Variants in AAK1 observed in about 807,000 individuals in gnomAD.
The protein encoded by AAK1 is AP2-associated protein kinase 1.
AAK1 carries 37 observed loss-of-function variants against 116.0 expected under a neutral mutation model. The observed-to-expected ratio is 0.32, with a 90% CI of 0.25 to 0.42. The LOEUF is 0.42. AAK1 is among the 10% of genes least tolerant of loss of function. The pLI, the probability that AAK1 is intolerant of heterozygous loss-of-function variation, is 1.00. For missense variants in AAK1, 919 were observed against 1,170.6 expected, an observed-to-expected ratio of 0.79 and a Z score of 3.14; for synonymous variants, 458 against 439.9, an observed-to-expected ratio of 1.04 and a Z score of -0.51.
intron 16 of AAK1, 24 bp downstream of exon 16, chr2:69,505,545 G>A (rs754840473): frequency 1.9e-5 from 31 of 1,597,846 alleles, no homozygotes; most frequent in East Asian, 8.9e-5. Context: ...TGAACCTCCC[G>A]TTCCAGGTAT....
At chr2:69,546,240 A>G (rs1670919488) in intron 3 of AAK1, among the ~76,000 whole-genome samples, 2 of 152,210 alleles carry the variant, frequency 1.3e-5, no homozygotes, top group Admixed American at 6.5e-5. Context: ...TCCTAAATGT[A>G]TAGGAATGAC....
At position 69,507,568 on chromosome 2, in the gene AAK1, T is replaced by C; in HGVS notation, c.2017A>G (p.Thr673Ala). The C allele has an allele frequency of 6.2e-7, 1 of 1,610,162 alleles. No individual in the cohort carries two copies. Among genetic ancestry groups the C allele is most frequent in the Non-Finnish European group, 8.5e-7 (1 of 1,178,022 alleles). Residue 673 changes from threonine (T) to alanine (A), a missense_variant, in exon 15 of 22, where the codon ACC (threonine) becomes GCC (alanine). Thr to Ala is a moderately conservative substitution (Grantham distance 58). Around this residue, in one of 4 missense-constraint regions of AAK1, gnomAD observed 125 missense variants for 184.1 expected, o/e 0.68. Transcript: ENST00000409085. ...GTCCGAGGAGAGCCTGATGGAGTGG[T>C]GGTTGCAGACCTAGGTAGGTTCCCA... ...ASLNKSKSAT[T>A]TPSGSPRTSQ...
intron 14 of AAK1, 37 bp from the exon 15 acceptor site, chr2:69,507,615 T>C (rs774031296): frequency 9.2e-6 from 14 of 1,518,252 alleles, no homozygotes; most frequent in East Asian, 7.1e-5. Flanking sequence ...CAAAAAGATA[T>C]AAAAGTTGAA....
chr2:69,501,287 T>A (rs542473466), intron 16 of AAK1, among the ~76,000 whole-genome samples: 22 of 152,202 alleles, frequency 1.4e-4, no homozygotes, highest in East Asian at 7.7e-4. Flanking sequence ...GAAACAAAAA[T>A]TTTTAACTAC....
chr2:69,571,839 G>T (rs528506277), intron 2 of AAK1, among the ~76,000 whole-genome samples: 2 of 152,142 alleles, frequency 1.3e-5, no homozygotes, highest in East Asian at 3.9e-4. Flanking sequence ...TTGAGCTGAC[G>T]GATCAGTGTT....
chr2:69,586,877 G>A lies in AAK1; in HGVS notation c.164-29899C>T, dbSNP rs942484897. Among the ~76,000 whole-genome samples the A allele has an allele frequency of 4.6e-5, 7 of 152,168 alleles. No individual in the cohort carries two copies. In the East Asian group the frequency reaches 7.7e-4, roughly 17 times the overall value. ...ATCCTTAGGGTGGTGGGTTTGGGTC[G>A]GGCGGAGGGTAAAATCTGCACAGGT... is the stretch of plus-strand genomic sequence containing the variant. On this transcript the variant is annotated intron_variant, in intron 2 of 21. Coordinates refer to ENST00000409085, the MANE Select transcript of AAK1 (RefSeq NM_014911.5).
At chr2:69,502,837 T>C (rs1425508614) in intron 16 of AAK1, among the ~76,000 whole-genome samples, 2 of 152,196 alleles carry the variant, frequency 1.3e-5, no homozygotes, top group South Asian at 2.1e-4. Flanking sequence ...TTAGAAGTTA[T>C]CTTAGAGAAA....
chr2:69,558,891 A>G (rs1439829160), intron 2 of AAK1, among the ~76,000 whole-genome samples: 3 of 152,200 alleles, frequency 2.0e-5, no homozygotes, highest in African/African-American at 7.2e-5. Context: ...GTTGATGCCC[A>G]TGGCATTTCC....
Position 69,475,781 on chromosome 2 carries a change from TA to T in AAK1, c.*87del, listed in dbSNP as rs1300918797. 1.2e-5 allele frequency: 18 copies of T among 1,502,514 alleles called. No individual in the cohort carries two copies. Among genetic ancestry groups the T allele is most frequent in the Admixed American group, 2.1e-5 (1 of 47,868 alleles). 93.1% of individuals were successfully genotyped at this position (1,502,514 alleles called of 1,614,324 possible). On this transcript the variant is annotated 3_prime_UTR_variant, in exon 22 of 22. Coordinates refer to ENST00000409085, the MANE Select transcript of AAK1 (RefSeq NM_014911.5). Reference sequence around the variant, plus strand: ...AGGGCCCCTTATTTGCAGATTTTTTTAAAAAAATCATTTTTTTCATAACTCC... The same window carrying T: ...AGGGCCCCTTATTTGCAGATTTTTTTAAAAAATCATTTTTTTCATAACTCC...
intron 12 of AAK1, among the ~76,000 whole-genome samples, chr2:69,518,223 A>C (rs749005133): frequency 1.3e-5 from 2 of 152,210 alleles, no homozygotes; most frequent in African/African-American, 2.4e-5. Flanking sequence ...TAGACCAACT[A>C]AATACAATCT....
intron 14 of AAK1, among the ~76,000 whole-genome samples, chr2:69,508,282 C>A (rs191454461): frequency 6.6e-6 from 1 of 152,112 alleles, no homozygotes; most frequent in African/African-American, 2.4e-5. Context: ...TTTAGGCTGC[C>A]TCTCATCTCT....
intron 4 of AAK1, among the ~76,000 whole-genome samples, chr2:69,543,212 T>G (rs1670792434): frequency 6.6e-6 from 1 of 152,190 alleles, no homozygotes; most frequent in Non-Finnish European, 1.5e-5. Context: ...TACAACATTA[T>G]CCAGATGCCT....
chr2:69,643,085 ATTTTTTTT>A lies in AAK1; in HGVS notation c.-53_-46del, dbSNP rs4067981. On this transcript the variant is annotated 5_prime_UTR_variant, in exon 2 of 22. Coordinates refer to ENST00000409085, the MANE Select transcript of AAK1 (RefSeq NM_014911.5). Reference sequence around the variant, plus strand: ...AAAGCAAAATACCGATGGTTTCTAGATTTTTTTTTTTTTTTTTTTTTTTTAAGAAAAGA... The same window carrying A: ...AAAGCAAAATACCGATGGTTTCTAGATTTTTTTTTTTTTTTTAAGAAAAGA... The A allele has an allele frequency of 5.6e-5, 71 of 1,265,118 alleles. No homozygotes were observed. The highest frequency in any genetic ancestry group is 6.5e-5 in the Non-Finnish European group (65 of 1,001,478). The allele number at this position is 1,265,118 out of a possible 1,614,324, so 78.4% of individuals were successfully genotyped here.
intron 2 of AAK1, among the ~76,000 whole-genome samples, chr2:69,634,901 G>T (rs1385040298): frequency 6.6e-6 from 1 of 152,178 alleles, no homozygotes; most frequent in Admixed American, 6.5e-5. Context: ...CACTGCTCTA[G>T]ACTACAATGG....
chr2:69,619,530 A>C (rs1266368585), intron 2 of AAK1, among the ~76,000 whole-genome samples: 1 of 152,196 alleles, frequency 6.6e-6, no homozygotes, highest in Non-Finnish European at 1.5e-5. Context: ...TAGGCCTGTG[A>C]ATAAAACAGA....
At chr2:69,537,639 G>A (rs1670532129) in intron 5 of AAK1, among the ~76,000 whole-genome samples, 1 of 152,230 alleles carries the variant, frequency 6.6e-6, no homozygotes, top group African/African-American at 2.4e-5. Flanking sequence ...GGACTGTGGT[G>A]GCTGGTTCTC....
At chr2:69,633,535 A>G (rs940938150) in intron 2 of AAK1, among the ~76,000 whole-genome samples, 4 of 150,126 alleles carry the variant, frequency 2.7e-5, no homozygotes, top group African/African-American at 9.8e-5. Context: ...CGGGAGGCAG[A>G]GGTTGCAGTG....
At chr2:69,637,921 TA>T (rs1675521301) in intron 2 of AAK1, among the ~76,000 whole-genome samples, 1 of 152,246 alleles carries the variant, frequency 6.6e-6, no homozygotes, top group Admixed American at 6.5e-5. Flanking sequence ...TATTTGTTAT[TA>T]AATGAGCTTT....
chr2:69,598,219 AAAGT>A, intron 2 of AAK1: 1 of 632,506 alleles, frequency 1.6e-6, no homozygotes, highest in South Asian at 6.4e-5. Context: ...GAAATTTAGT[AAAGT>A]ATCTTTTAAA....
Sources: allele counts gnomAD v4.1 joint callset (sites outside exome capture counted in the v4.1 genomes callset), GRCh38; gene constraint gnomAD v4.1.1; regional missense constraint gnomAD v4.1.1; transcripts MANE v1.5; gene names NCBI Gene and HGNC (gene_info 2026-07-23, HGNC 2026-07-21).